The following TMEFF1 variants were observed in gnomAD, a reference collection of about 807,000 sequenced individuals.
TMEFF1 encodes tomoregulin-1.
In TMEFF1, 20 loss-of-function variants were observed where a neutral mutation model predicts 47.5. The observed-to-expected ratio is 0.42, with a 90% CI of 0.30 to 0.61. The LOEUF (loss-of-function observed/expected upper bound fraction) is 0.61, where lower values mean the gene tolerates loss of function less well. TMEFF1 is among the 20% of genes least tolerant of loss of function. The pLI is 0.19. For synonymous variants in TMEFF1, 162 were observed against 166.3 expected, an observed-to-expected ratio of 0.97 and a Z score of 0.20; for missense variants, 411 against 471.1, an observed-to-expected ratio of 0.87 and a Z score of 1.18.
chr9:100,478,976 G>A (rs2118232833), intron 1 of TMEFF1, among the ~76,000 whole-genome samples: 1 of 152,312 alleles, frequency 6.6e-6, no homozygotes, highest in South Asian at 2.1e-4. Context: ...TTAACTAGAA[G>A]TGGGTCCTCT....
chr9:100,508,560 C>T (rs1837905684), intron 2 of TMEFF1, among the ~76,000 whole-genome samples: 1 of 151,670 alleles, frequency 6.6e-6, no homozygotes. Context: ...CAGAGATCAT[C>T]CTATATTTCT....
At chr9:100,539,828 T>C (rs1451643393) in intron 5 of TMEFF1, among the ~76,000 whole-genome samples, 2 of 152,184 alleles carry the variant, frequency 1.3e-5, no homozygotes, top group East Asian at 3.9e-4. Flanking sequence ...GAGAGCTGAT[T>C]GGTCCGTTTT....
chr9:100,552,262 A>G (rs753899141), intron 7 of TMEFF1, among the ~76,000 whole-genome samples: 1 of 152,230 alleles, frequency 6.6e-6, no homozygotes, highest in Non-Finnish European at 1.5e-5. Context: ...GATACCTGGC[A>G]GGAATATTGT....
intron 2 of TMEFF1, among the ~76,000 whole-genome samples, chr9:100,506,288 A>G (rs1837859018): frequency 6.6e-6 from 1 of 152,226 alleles, no homozygotes; most frequent in Non-Finnish European, 1.5e-5. Context: ...CTGGGAAACC[A>G]TGAAGACAGG....
intron 1 of TMEFF1, among the ~76,000 whole-genome samples, chr9:100,484,041 G>C (rs1837399142): frequency 6.6e-6 from 1 of 151,900 alleles, no homozygotes; most frequent in South Asian, 2.1e-4. Flanking sequence ...TTTTACCTTT[G>C]TATAGAGTAG....
chr9:100,505,099 T>C (rs180706652), intron 2 of TMEFF1, among the ~76,000 whole-genome samples: 1 of 152,198 alleles, frequency 6.6e-6, no homozygotes, highest in East Asian at 1.9e-4. Context: ...TGTCTGCTTA[T>C]GATAAATGTT....
chr9:100,510,345 A>C (rs1290867189), intron 3 of TMEFF1, among the ~76,000 whole-genome samples: 1 of 152,206 alleles, frequency 6.6e-6, no homozygotes, highest in Non-Finnish European at 1.5e-5. Context: ...GAAGGTTCCA[A>C]ACATGGAGTT....
chr9:100,517,198 T>C (rs1396139724), intron 5 of TMEFF1, among the ~76,000 whole-genome samples: 2 of 152,188 alleles, frequency 1.3e-5, no homozygotes, highest in Non-Finnish European at 2.9e-5. Context: ...TCAACAGTCA[T>C]GTTTGATTTT....
chr9:100,483,650 T>G (rs1415796914), intron 1 of TMEFF1, among the ~76,000 whole-genome samples: 1 of 152,248 alleles, frequency 6.6e-6, no homozygotes, highest in African/African-American at 2.4e-5. Context: ...TACTTAAGTT[T>G]ACTTTATTTT....
intron 5 of TMEFF1, among the ~76,000 whole-genome samples, chr9:100,525,830 A>G (rs948483683): frequency 6.6e-6 from 1 of 152,122 alleles, no homozygotes; most frequent in African/African-American, 2.4e-5. Flanking sequence ...TGTCAAGGGA[A>G]CTCTATACCA....
At chr9:100,540,238 C>G (rs939414889) in intron 5 of TMEFF1, among the ~76,000 whole-genome samples, 4 of 151,552 alleles carry the variant, frequency 2.6e-5, no homozygotes, top group Admixed American at 6.6e-5. Flanking sequence ...ACCGGATTAG[C>G]TAGACACAGA....
chr9:100,518,363 TA>T, intron 5 of TMEFF1: 1 of 881,932 alleles, frequency 1.1e-6, no homozygotes, highest in Non-Finnish European at 1.4e-6. Flanking sequence ...TTGTGTTTAC[TA>T]AATTAATTTT....
rs996339295 is a variant in TMEFF1 at position 100,572,663 on chromosome 9, A to C, written c.1045A>C (p.Met349Leu). The change falls in exon 9 of 10, where the codon ATG becomes CTG. Residue 349 changes from methionine to leucine, a missense_variant. Transcript: ENST00000374879. The part of the protein sequence containing the change: ...VQIAIIVAIV[M>L]CITRKCPKNN... The stretch of plus-strand genomic sequence containing the variant: ...GATTGCCATCATAGTAGCAATTGTA[A>C]TGTGCATAACAAGGTAGGTAATGAT... 3 of 1,610,286 alleles carry C rather than the reference A, an allele frequency of 1.9e-6. No homozygotes were observed. The highest frequency in any genetic ancestry group is 1.7e-5 in the Admixed American group (1 of 59,136).
chr9:100,559,617 T>A (rs531628203), intron 7 of TMEFF1, among the ~76,000 whole-genome samples: 4 of 151,648 alleles, frequency 2.6e-5, no homozygotes, highest in African/African-American at 9.7e-5. Context: ...TTAAAATTAA[T>A]TTACTTGTTT....
intron 2 of TMEFF1, among the ~76,000 whole-genome samples, chr9:100,504,578 A>G (rs1248403183): frequency 1.3e-5 from 2 of 152,250 alleles, no homozygotes; most frequent in African/African-American, 2.4e-5. Context: ...AGAATGTACC[A>G]TGGTCAGATA....
intron 7 of TMEFF1, among the ~76,000 whole-genome samples, chr9:100,552,284 A>G (rs1838838649): frequency 6.6e-6 from 1 of 152,220 alleles, no homozygotes; most frequent in South Asian, 2.1e-4. Flanking sequence ...CATATTGTAT[A>G]CATTGGAATG....
rs55940754 is a variant in TMEFF1 at position 100,562,630 on chromosome 9, G to GTTTGTTTTGT, written c.899+1145_899+1154dup. Among the ~76,000 whole-genome samples, 517 of 142,450 alleles carry GTTTGTTTTGT rather than the reference G, an allele frequency of 3.6e-3. 9 individuals carry two copies. The highest frequency in any genetic ancestry group is 0.018 in the East Asian group (84 of 4,744). 93.5% of individuals were successfully genotyped at this position (142,450 alleles called of 152,430 possible). The stretch of plus-strand genomic sequence containing the variant: ...GGTAACAGGCCAGGTTTTTTTTTTT[G>GTTTGTTTTGT]TTTGTTTTGTTTTGTTTTGTTTTGT... On this transcript the variant is annotated intron_variant, in intron 8 of 9. Coordinates refer to ENST00000374879, the MANE Select transcript of TMEFF1 (RefSeq NM_003692.5).
At chr9:100,576,214 G>A (rs1839349956) in intron 9 of TMEFF1, among the ~76,000 whole-genome samples, 1 of 152,144 alleles carries the variant, frequency 6.6e-6, no homozygotes, top group Admixed American at 6.5e-5. Flanking sequence ...TGGAGGAAGG[G>A]TGGGATATCT....
chr9:100,570,405 A>G (rs1260594044), intron 8 of TMEFF1, among the ~76,000 whole-genome samples: 3 of 151,766 alleles, frequency 2.0e-5, no homozygotes, highest in African/African-American at 4.8e-5. Context: ...TCAGAGTTTT[A>G]TAGTTTTAGC....
Sources: allele counts gnomAD v4.1 joint callset (sites outside exome capture counted in the v4.1 genomes callset), GRCh38; gene constraint gnomAD v4.1.1; transcripts MANE v1.5; gene names NCBI Gene and HGNC (gene_info 2026-07-23, HGNC 2026-07-21).